ZNF609: variants seen among roughly 807,000 people sequenced by gnomAD.
The protein encoded by ZNF609 is zinc finger protein 609.
A neutral mutation model predicts 109.5 loss-of-function variants in ZNF609; 11 were observed. That is an observed-to-expected ratio of 0.10 (90% CI 0.06 to 0.17). The LOEUF (loss-of-function observed/expected upper bound fraction) is 0.17. ZNF609 is among the 10% of genes least tolerant of loss of function. ZNF609 has a pLI of 1.00. For missense variants in ZNF609, 1,559 were observed against 1,772.4 expected, an observed-to-expected ratio of 0.88 and a Z score of 2.16; for synonymous variants, 646 against 662.0, an observed-to-expected ratio of 0.98 and a Z score of 0.37.
chr15:64,615,082 G>T (rs1225532759), intron 2 of ZNF609, among the ~76,000 whole-genome samples: 1 of 152,090 alleles, frequency 6.6e-6, no homozygotes, highest in Non-Finnish European at 1.5e-5. Context: ...CTCCCAAAGT[G>T]CTGGGATTAC....
Position 64,678,339 on chromosome 15 carries a change from G to C in ZNF609, c.3626G>C (p.Ser1209Thr). 6.2e-7 allele frequency: 1 copy of C among 1,614,126 alleles called. No individual in the cohort carries two copies. The change falls in exon 6 of 10, where the codon AGT becomes ACT. Residue 1209 changes from serine (S) to threonine (T), a missense_variant. Transcript: ENST00000326648. ...CTTGGGAGCAAGGAGCCCCGGCCAA[G>C]TGTCCATGTGCCTGTGTCCTCCCCA... ...SRLGSKEPRP[S>T]VHVPVSSPLT...
chr15:64,546,194 G>T (rs1894356609), intron 2 of ZNF609, among the ~76,000 whole-genome samples: 1 of 152,126 alleles, frequency 6.6e-6, no homozygotes, highest in African/African-American at 2.4e-5. Flanking sequence ...CTTTTCAAGT[G>T]GCTATACATC....
chr15:64,539,568 A>G (rs1288080325), intron 2 of ZNF609, among the ~76,000 whole-genome samples: 3 of 150,930 alleles, frequency 2.0e-5, no homozygotes, highest in Non-Finnish European at 2.9e-5. Flanking sequence ...CAGTGGCACA[A>G]TCTCAGCTCA....
intron 3 of ZNF609, chr15:64,631,651 G>GC (rs1896081458): frequency 3.3e-6 from 1 of 304,992 alleles, no homozygotes; most frequent in South Asian, 3.5e-5. Flanking sequence ...TCCTGCCTCA[G>GC]CCTCCCGAGT....
At chr15:64,478,424 G>A (rs535989127) in intron 1 of ZNF609, among the ~76,000 whole-genome samples, 1 of 152,106 alleles carries the variant, frequency 6.6e-6, no homozygotes, top group Non-Finnish European at 1.5e-5. Flanking sequence ...AGGCTGTGGT[G>A]CATTGTTGCG....
intron 3 of ZNF609, among the ~76,000 whole-genome samples, chr15:64,644,830 CATT>C: frequency 6.6e-6 from 1 of 152,240 alleles, no homozygotes; most frequent in Non-Finnish European, 1.5e-5. Flanking sequence ...TACTAAGTCA[CATT>C]ATAATAAGAA....
intron 2 of ZNF609, among the ~76,000 whole-genome samples, chr15:64,622,299 G>A (rs886337946): frequency 6.6e-6 from 1 of 152,050 alleles, no homozygotes; most frequent in African/African-American, 2.4e-5. Context: ...AGGAATCATG[G>A]CATTCCTAGG....
chr15:64,492,869 C>A (rs961190920), intron 1 of ZNF609, among the ~76,000 whole-genome samples: 2 of 152,168 alleles, frequency 1.3e-5, no homozygotes, highest in East Asian at 3.8e-4. Flanking sequence ...CCATGCTACC[C>A]TCCTCGAATT....
At chr15:64,483,284 G>A (rs891119652) in intron 1 of ZNF609, among the ~76,000 whole-genome samples, 1 of 152,106 alleles carries the variant, frequency 6.6e-6, no homozygotes, top group Admixed American at 6.6e-5. Context: ...TAGTGGAGAC[G>A]GGGTTCTCCA....
intron 2 of ZNF609, among the ~76,000 whole-genome samples, chr15:64,621,432 C>T (rs1204938755): frequency 6.6e-6 from 1 of 152,108 alleles, no homozygotes; most frequent in African/African-American, 2.4e-5. Flanking sequence ...TCACTGTAGC[C>T]TCAACCTCCT....
chr15:64,572,508 G>A (rs189185985), intron 2 of ZNF609, among the ~76,000 whole-genome samples: 269 of 152,244 alleles, frequency 1.8e-3, no homozygotes, highest in Non-Finnish European at 1.8e-3. Context: ...CCCACAATGG[G>A]ATATAAGCTT....
In ZNF609 at chr15:64,460,830, G is replaced by T. The variant is rs1272939227; in HGVS notation, c.-136G>T. On this transcript the variant is annotated 5_prime_UTR_variant, in exon 1 of 10. Transcript: ENST00000326648. ...GGCGGAGGTGGCGGCTCCCGGGACC[G>T]GCCGCGCGGTGAGTCCGGAGCTTTG... 1 of 150,184 alleles carries T rather than the reference G, an allele frequency of 6.7e-6. No homozygotes were observed. The highest frequency in any genetic ancestry group is 2.0e-4 in the South Asian group (1 of 4,888). The allele number at this position is 150,184 out of a possible 1,614,324, so 9.3% of individuals were successfully genotyped here.
intron 2 of ZNF609, among the ~76,000 whole-genome samples, chr15:64,603,795 T>C (rs1246165656): frequency 2.0e-5 from 3 of 151,462 alleles, no homozygotes; most frequent in Non-Finnish European, 4.4e-5. Context: ...GGTCGGGAGT[T>C]TGAGACCAGC....
intron 6 of ZNF609, 75 bp downstream of exon 6, chr15:64,678,557 T>C: frequency 1.3e-6 from 2 of 1,514,344 alleles, no homozygotes; most frequent in Admixed American, 2.3e-5. Context: ...TCCAGAGTTT[T>C]CTTGCTCAGC....
At chr15:64,615,504 G>A (rs1203892430) in intron 2 of ZNF609, among the ~76,000 whole-genome samples, 2 of 105,158 alleles carry the variant, frequency 1.9e-5, no homozygotes, top group African/African-American at 7.3e-5. Context: ...TTTTTTTTTT[G>A]AGATGGAGAT....
chr15:64,507,392 C>T (rs1389057557), intron 2 of ZNF609, among the ~76,000 whole-genome samples: 1 of 152,190 alleles, frequency 6.6e-6, no homozygotes, highest in East Asian at 1.9e-4. Context: ...AGCTGAGATC[C>T]TGCCACTGCT....
At chr15:64,510,359 C>T (rs1893706289) in intron 2 of ZNF609, among the ~76,000 whole-genome samples, 1 of 151,954 alleles carries the variant, frequency 6.6e-6, no homozygotes, top group Non-Finnish European at 1.5e-5. Context: ...CATATATCAC[C>T]ACATCGGGCT....
rs35706760 is a variant in ZNF609 at position 64,550,324 on chromosome 15, A to ATTGTTGTTGTTG, written c.747+50173_747+50184dup. Among the ~76,000 whole-genome samples the ATTGTTGTTGTTG allele has an allele frequency of 4.0e-3, 604 of 150,966 alleles. 7 individuals are homozygous for ATTGTTGTTGTTG. The highest frequency in any genetic ancestry group is 0.014 in the African/African-American group (574 of 41,040). On this transcript the variant is annotated intron_variant, in intron 2 of 9. Transcript: ENST00000326648. ...GTTTGAATTGGGGTTTGTTGTTGTTATTGTTGTTGTTGTTGTTGTTGTTGT... is the reference window on the plus strand; with the variant it reads ...GTTTGAATTGGGGTTTGTTGTTGTTATTGTTGTTGTTGTTGTTGTTGTTGTTGTTGTTGTTGT...
intron 3 of ZNF609, among the ~76,000 whole-genome samples, chr15:64,637,994 T>TTATATATATATATATA (rs3057845): frequency 1.3e-4 from 18 of 134,344 alleles, no homozygotes; most frequent in African/African-American, 4.8e-4. Flanking sequence ...GAACCTTGTT[T>TTATATATATATATATA]TATATATATA....
Sources: gnomAD v4.1 joint callset for allele counts (sites outside exome capture counted in the v4.1 genomes callset) on GRCh38, gnomAD v4.1.1 for gene constraint, MANE v1.5 for transcripts, NCBI Gene and HGNC (gene_info 2026-07-23, HGNC 2026-07-21) for gene names.